Variants in CFAP54 observed in about 807,000 individuals in gnomAD.
CFAP54 encodes the protein cilia- and flagella-associated protein 54.
Under a neutral mutation model 370.4 loss-of-function variants are expected in CFAP54, and 290 were observed. That is an observed-to-expected ratio of 0.78 (90% confidence interval 0.71 to 0.86). The LOEUF (loss-of-function observed/expected upper bound fraction) is 0.86, where lower values mean the gene tolerates loss of function less well. CFAP54 is among the 40% of genes least tolerant of loss of function. CFAP54 has a pLI of 0.00. For synonymous variants in CFAP54, 1,206 were observed against 1,236.5 expected (o/e 0.98, Z 0.52); for missense variants, 3,399 against 3,528.7 (o/e 0.96, Z 0.93).
chr12:96,621,891 T>G (rs1298287668), intron 27 of CFAP54, among the ~76,000 whole-genome samples, 170 bp downstream of exon 27: 5 of 133,690 alleles, frequency 3.7e-5, no homozygotes, highest in Admixed American at 1.5e-4. Context: ...TTTTTTTTTT[T>G]TTTTTTTTTT....
At chr12:96,852,532 G>A (rs912564267) in intron 66 of CFAP54, among the ~76,000 whole-genome samples, 8 of 152,144 alleles carry the variant, frequency 5.3e-5, no homozygotes, top group African/African-American at 1.9e-4. Flanking sequence ...ATTGATTGTG[G>A]CAATAAATGT....
chr12:96,823,518 G>T (rs1005515804), intron 65 of CFAP54, among the ~76,000 whole-genome samples: 1 of 152,160 alleles, frequency 6.6e-6, no homozygotes, highest in Non-Finnish European at 1.5e-5. Flanking sequence ...GAAACAATAA[G>T]ATCTGTTGTG....
intron 60 of CFAP54, among the ~76,000 whole-genome samples, chr12:96,778,789 C>A (rs1479750983): frequency 6.6e-6 from 1 of 152,050 alleles, no homozygotes; most frequent in African/African-American, 2.4e-5. Flanking sequence ...GCATTTTACT[C>A]TATTATAAAA....
Position 96,708,775 on chromosome 12 carries a change from G to A in CFAP54, c.6696G>A (p.Lys2232=), listed in dbSNP as rs763678807. The change falls in exon 48 of 68, where the codon AAG becomes AAA. Residue 2232 remains lysine, a synonymous_variant. Transcript: ENST00000524981. ...AATTTAAGACAGTAATTACCAACAA[G>A]AGCAAACCAAACCTACCAAACTTGG... ...ENKFKTVITN[K]SKPNLPNLEE... is the part of the protein sequence containing the mutation. 5.6e-6 allele frequency: 9 copies of A among 1,602,732 alleles called. No homozygotes were observed. Among genetic ancestry groups the A allele is most frequent in the Non-Finnish European group, 7.7e-6 (9 of 1,174,822 alleles).
At chr12:96,784,947 C>A in intron 61 of CFAP54, 57 bp downstream of exon 61, 1 of 1,251,034 alleles carries the variant, frequency 8.0e-7, no homozygotes, top group Non-Finnish European at 1.0e-6. Flanking sequence ...CCATTTAAGT[C>A]ATGTTTCTTG....
chr12:96,578,272 A>C (rs1956000245), intron 20 of CFAP54, among the ~76,000 whole-genome samples: 1 of 152,184 alleles, frequency 6.6e-6, no homozygotes. Flanking sequence ...AGAACTGATG[A>C]CAACCTTCAT....
At chr12:96,756,179 T>C (rs1051514365) in intron 56 of CFAP54, among the ~76,000 whole-genome samples, 11 of 151,880 alleles carry the variant, frequency 7.2e-5, no homozygotes, top group African/African-American at 2.7e-4. Flanking sequence ...AGTAAGGGAA[T>C]GGAGAGAGAA....
intron 17 of CFAP54, among the ~76,000 whole-genome samples, chr12:96,561,465 T>C (rs1458713639): frequency 6.6e-6 from 1 of 152,144 alleles, no homozygotes; most frequent in Non-Finnish European, 1.5e-5. Context: ...ATCAGCAGCA[T>C]GAAAACAGAC....
At chr12:96,783,147 T>G (rs1384236937) in intron 60 of CFAP54, among the ~76,000 whole-genome samples, 1 of 151,204 alleles carries the variant, frequency 6.6e-6, no homozygotes. Context: ...ATTTATTACA[T>G]GTTATGTAAT....
intron 42 of CFAP54, among the ~76,000 whole-genome samples, chr12:96,688,576 C>T (rs1004441073): frequency 6.6e-6 from 1 of 151,984 alleles, no homozygotes. Context: ...TGATATAGTT[C>T]GTTATGTCTG....
At chr12:96,865,405 T>C (rs1216162709) in intron 67 of CFAP54, among the ~76,000 whole-genome samples, 3 of 152,222 alleles carry the variant, frequency 2.0e-5, no homozygotes, top group African/African-American at 4.8e-5. Flanking sequence ...CATTGTATAC[T>C]ATTTGTATAA....
At position 96,806,204 on chromosome 12, in the gene CFAP54, AT is replaced by A. The variant is rs1565984925; in HGVS notation, c.8851-5531del. ...TATATATATATATATATATATATAT[AT>A]ATATATATAATAACAACATAAAAAG... On this transcript the variant is annotated intron_variant, in intron 63 of 67. Coordinates refer to ENST00000524981, the MANE Select transcript of CFAP54 (RefSeq NM_001306084.2). Among the ~76,000 whole-genome samples the A allele has an allele frequency of 2.7e-3, 233 of 85,888 alleles. 19 individuals carry two copies. Among genetic ancestry groups the A allele is most frequent in the South Asian group, 7.8e-3 (15 of 1,920 alleles). The allele number at this position is 85,888 out of a possible 152,430, so 56.3% of individuals were successfully genotyped here.
At position 96,600,737 on chromosome 12, in the gene CFAP54, C is replaced by G. The variant is rs138190351; in HGVS notation, c.3639+1970C>G. On this transcript the variant is annotated intron_variant, in intron 26 of 67. Coordinates refer to ENST00000524981, the MANE Select transcript of CFAP54 (RefSeq NM_001306084.2). Reference sequence around the variant, plus strand: ...TTTGTAGCATTTGTGAATGGGAGTTCACTCATGATTTGACTCTCTGTTTGT... The same window carrying G: ...TTTGTAGCATTTGTGAATGGGAGTTGACTCATGATTTGACTCTCTGTTTGT... 3.8e-3 allele frequency among the ~76,000 whole-genome samples: 576 copies of G among 152,222 alleles called. 4 individuals carry two copies. The highest frequency in any genetic ancestry group is 0.013 in the African/African-American group (550 of 41,532).
At chr12:96,638,211 G>GCA (rs1431142641) in intron 32 of CFAP54, among the ~76,000 whole-genome samples, 2 of 84,084 alleles carry the variant, frequency 2.4e-5, no homozygotes, top group Admixed American at 1.5e-4. Flanking sequence ...ATGCATGTGT[G>GCA]TGTGTGTGTG....
intron 17 of CFAP54, among the ~76,000 whole-genome samples, chr12:96,559,913 C>G (rs555749092): frequency 6.6e-6 from 1 of 151,848 alleles, no homozygotes; most frequent in Non-Finnish European, 1.5e-5. Context: ...TTTGGTGTCC[C>G]GTCTAAGAAC....
chr12:96,858,640 G>A (rs1047335856), intron 66 of CFAP54, among the ~76,000 whole-genome samples: 15 of 152,014 alleles, frequency 9.9e-5, no homozygotes, highest in Admixed American at 2.0e-4. Context: ...AATACTGTTT[G>A]CAATTGCCAC....
Position 96,798,627 on chromosome 12 carries a change from G to A in CFAP54, c.8850+6128G>A, listed in dbSNP as rs151239863. On this transcript the variant is annotated intron_variant, in intron 63 of 67. Transcript: ENST00000524981. ...CTGCCTAGGTTTGAATCTCATCTCT[G>A]CCACTTAACAGTTTTGTGATCTTGA... Among the ~76,000 whole-genome samples the A allele has an allele frequency of 1.9e-3, 282 of 152,154 alleles. 5 individuals carry two copies. The highest frequency in any genetic ancestry group is 6.5e-3 in the African/African-American group (268 of 41,514).
At position 96,626,242 on chromosome 12, in the gene CFAP54, C is replaced by T. The variant is rs531892611; in HGVS notation, c.3976+435C>T. Reference sequence around the variant, plus strand: ...CTACTAAAAATACAAAAATTATCCACGTGTTGGGTGGTGGGTGCCCGTAAT... The same window carrying T: ...CTACTAAAAATACAAAAATTATCCATGTGTTGGGTGGTGGGTGCCCGTAAT... On this transcript the variant is annotated intron_variant, in intron 29 of 67. Transcript: ENST00000524981. Among the ~76,000 whole-genome samples the T allele has an allele frequency of 8.8e-4, 133 of 151,910 alleles. 1 individual carries two copies. Among genetic ancestry groups the T allele is most frequent in the South Asian group, 3.7e-3 (18 of 4,800 alleles).
At chr12:96,809,364 G>T (rs528676464) in intron 63 of CFAP54, among the ~76,000 whole-genome samples, 6 of 151,758 alleles carry the variant, frequency 4.0e-5, no homozygotes, top group African/African-American at 1.5e-4. Context: ...TATTATCTAC[G>T]TTTTTAAATT....
Sources: allele counts gnomAD v4.1 joint callset (sites outside exome capture counted in the v4.1 genomes callset), GRCh38; gene constraint gnomAD v4.1.1; transcripts MANE v1.5; gene names NCBI Gene and HGNC (gene_info 2026-07-23, HGNC 2026-07-21).